Variants in IMMP2L observed in about 807,000 individuals in gnomAD.
The protein encoded by IMMP2L is mitochondrial inner membrane protease subunit 2.
Under a neutral mutation model 19.3 loss-of-function variants are expected in IMMP2L, and 18 were observed. That is an observed-to-expected ratio of 0.93 (90% CI 0.64 to 1.38). The LOEUF is 1.38. Ranked by LOEUF, IMMP2L falls within the 40% of genes most tolerant of loss-of-function variation. The pLI, the probability that IMMP2L is intolerant of heterozygous loss-of-function variation, is 0.00. For synonymous variants in IMMP2L, 76 were observed against 73.0 expected (o/e 1.04, Z -0.21); for missense variants, 233 against 218.2 (o/e 1.07, Z -0.43).
intron 3 of IMMP2L, among the ~76,000 whole-genome samples, chr7:111,169,446 T>A (rs577390055): frequency 1.3e-5 from 2 of 151,860 alleles, no homozygotes; most frequent in Admixed American, 6.6e-5. Context: ...ACAACCAAAC[T>A]TGAGTTTGGG....
At chr7:111,373,674 A>G (rs928766900) in intron 3 of IMMP2L, among the ~76,000 whole-genome samples, 3 of 152,058 alleles carry the variant, frequency 2.0e-5, no homozygotes, top group African/African-American at 7.2e-5. Flanking sequence ...AAATGCCTTC[A>G]AGGATGGGTT....
intron 3 of IMMP2L, among the ~76,000 whole-genome samples, chr7:111,127,510 T>C (rs2129592075): frequency 6.6e-6 from 1 of 152,272 alleles, no homozygotes; most frequent in African/African-American, 2.4e-5. Flanking sequence ...AATATACAGA[T>C]GCTCAAGGCA....
At chr7:111,280,110 T>G (rs1819528873) in intron 3 of IMMP2L, among the ~76,000 whole-genome samples, 1 of 152,134 alleles carries the variant, frequency 6.6e-6, no homozygotes, top group Non-Finnish European at 1.5e-5. Flanking sequence ...ATAAAACTCC[T>G]TGCCATACTC....
intron 3 of IMMP2L, among the ~76,000 whole-genome samples, chr7:111,369,313 T>C (rs1830067119): frequency 6.6e-6 from 1 of 151,996 alleles, no homozygotes; most frequent in African/African-American, 2.4e-5. Context: ...TTTTACATTT[T>C]GTAATACCAC....
chr7:111,319,314 C>T (rs979806471), intron 3 of IMMP2L, among the ~76,000 whole-genome samples: 7 of 152,118 alleles, frequency 4.6e-5, no homozygotes, highest in Non-Finnish European at 8.8e-5. Context: ...CACTAAAAGT[C>T]ATCTCTGCAC....
chr7:111,203,877 C>T (rs920929750), intron 3 of IMMP2L, among the ~76,000 whole-genome samples: 10 of 151,974 alleles, frequency 6.6e-5, no homozygotes, highest in Non-Finnish European at 2.9e-5. Flanking sequence ...AAACAATTTC[C>T]ATGTCTCAAG....
intron 5 of IMMP2L, among the ~76,000 whole-genome samples, chr7:110,762,362 C>T (rs1233051784): frequency 6.6e-6 from 1 of 151,838 alleles, no homozygotes; most frequent in Non-Finnish European, 1.5e-5. Context: ...ACTATAAATC[C>T]TAATCAATCA....
intron 3 of IMMP2L, among the ~76,000 whole-genome samples, chr7:111,022,777 G>C (rs1489539361): frequency 6.6e-6 from 1 of 152,128 alleles, no homozygotes; most frequent in African/African-American, 2.4e-5. Context: ...CCAATCTGCT[G>C]ATCCTTTCAC....
intron 3 of IMMP2L, among the ~76,000 whole-genome samples, chr7:111,195,398 A>T (rs1809358195): frequency 6.6e-6 from 1 of 152,020 alleles, no homozygotes; most frequent in Non-Finnish European, 1.5e-5. Flanking sequence ...GCTTCTAAAG[A>T]CTAAGTTGAA....
At chr7:111,432,594 C>G (rs76671160) in intron 3 of IMMP2L, among the ~76,000 whole-genome samples, 6,979 of 151,628 alleles carry the variant, frequency 0.046, 265 homozygotes, top group South Asian at 0.079. Context: ...ATATGACAAA[C>G]CCACAGCCAA....
chr7:111,071,061 C>A lies in IMMP2L; in HGVS notation c.240-107496G>T, dbSNP rs1025480358. 9.9e-5 allele frequency among the ~76,000 whole-genome samples: 15 copies of A among 152,050 alleles called. No homozygotes were observed. The East Asian group carries it at 2.7e-3, about 27-fold the overall frequency. ...ACCCACTTTAAAAATGGGTAAAGGA[C>A]TTGAACAGACATTTATTGAAAGAAG... On this transcript the variant is annotated intron_variant, in intron 3 of 5. Transcript: ENST00000405709.
chr7:110,856,400 C>A (rs1806771291), intron 5 of IMMP2L, among the ~76,000 whole-genome samples: 1 of 151,910 alleles, frequency 6.6e-6, no homozygotes, highest in South Asian at 2.1e-4. Context: ...AGTAGGAAAG[C>A]AATGTTAATT....
intron 1 of IMMP2L, among the ~76,000 whole-genome samples, chr7:111,558,093 GT>G (rs2133175543): frequency 6.6e-6 from 1 of 152,246 alleles, no homozygotes; most frequent in South Asian, 2.1e-4. Context: ...CATTAAGAAG[GT>G]AAGAGTTTCC....
At chr7:111,510,889 T>C (rs1845378520) in intron 2 of IMMP2L, among the ~76,000 whole-genome samples, 1 of 152,100 alleles carries the variant, frequency 6.6e-6, no homozygotes, top group Non-Finnish European at 1.5e-5. Context: ...CTAATAAACT[T>C]TGTTTTCCTG....
At chr7:110,915,141 G>C (rs771061319) in intron 4 of IMMP2L, among the ~76,000 whole-genome samples, 2 of 152,146 alleles carry the variant, frequency 1.3e-5, no homozygotes, top group African/African-American at 4.8e-5. Flanking sequence ...CTGCTCCCCC[G>C]TGTTCGCTGC....
At chr7:110,697,703 A>G (rs1793989348) in intron 5 of IMMP2L, among the ~76,000 whole-genome samples, 1 of 152,152 alleles carries the variant, frequency 6.6e-6, no homozygotes, top group Admixed American at 6.5e-5. Flanking sequence ...CTGATTTGGG[A>G]AGATCACTTA....
At chr7:111,193,587 G>T (rs1264191272) in intron 3 of IMMP2L, among the ~76,000 whole-genome samples, 3 of 152,008 alleles carry the variant, frequency 2.0e-5, no homozygotes, top group East Asian at 3.9e-4. Flanking sequence ...TGGGATTAAG[G>T]AGAAAAGGGA....
intron 5 of IMMP2L, among the ~76,000 whole-genome samples, chr7:110,766,465 G>A (rs992125538): frequency 2.0e-5 from 3 of 151,400 alleles, no homozygotes; most frequent in South Asian, 2.1e-4. Context: ...GGTGATGCGC[G>A]CTTGTAATCC....
Position 111,428,350 on chromosome 7 carries a change from T to C in IMMP2L, c.239+58888A>G, listed in dbSNP as rs145961674. On this transcript the variant is annotated intron_variant, in intron 3 of 5. Transcript: ENST00000405709. Reference sequence around the variant, plus strand: ...TGTCAAGAGAAATAGGGGGTTTCAATTGTAATTTTTTAAAGTAATAAGGAC... The same window carrying C: ...TGTCAAGAGAAATAGGGGGTTTCAACTGTAATTTTTTAAAGTAATAAGGAC... Among the ~76,000 whole-genome samples, 701 of 151,856 alleles carry C rather than the reference T, an allele frequency of 4.6e-3. 24 individuals are homozygous for C. Among genetic ancestry groups the C allele is most frequent in the African/African-American group, 0.016 (671 of 41,236 alleles).
Sources: allele counts gnomAD v4.1 joint callset (sites outside exome capture counted in the v4.1 genomes callset), GRCh38; gene constraint gnomAD v4.1.1; transcripts MANE v1.5; gene names NCBI Gene and HGNC (gene_info 2026-07-23, HGNC 2026-07-21).